The following CASK variants were observed in gnomAD, a reference collection of about 807,000 sequenced individuals.
CASK encodes peripheral plasma membrane protein CASK.
A neutral mutation model predicts 82.9 loss-of-function variants in CASK; 4 were observed. The observed-to-expected ratio is 0.05, with a 90% CI of 0.02 to 0.11. The LOEUF is 0.11. CASK is among the 10% of genes least tolerant of loss of function. CASK has a pLI of 1.00. For missense variants in CASK, 358 were observed against 720.9 expected (o/e 0.50, Z 5.76); for synonymous variants, 259 against 253.5 (o/e 1.02, Z -0.20).
At chrX:41,821,107 T>TA in intron 2 of CASK, among the ~76,000 whole-genome samples, 1 of 111,775 alleles carries the variant, frequency 8.9e-6, no homozygotes. Flanking sequence ...GAAAAACTTC[T>TA]ACTCTTTTAA....
At chrX:41,589,703 G>T in intron 12 of CASK, 111 bp from the exon 13 acceptor site, 1 of 547,383 alleles carries the variant, frequency 1.8e-6, no homozygotes, top group Non-Finnish European at 3.1e-6. Flanking sequence ...AAGGCAGGCT[G>T]ATGATTTCAG....
intron 22 of CASK, among the ~76,000 whole-genome samples, chrX:41,539,778 T>G (rs1397449101): frequency 8.9e-6 from 1 of 112,351 alleles, no homozygotes. Flanking sequence ...TCTTCTGGAC[T>G]TTCTAATGAA....
intron 5 of CASK, chrX:41,726,819 A>T (rs1420093163): frequency 7.0e-6 from 2 of 287,062 alleles, no homozygotes; most frequent in African/African-American, 5.5e-5. Flanking sequence ...TCTTTATTTC[A>T]ACCGGACAAT....
intron 21 of CASK, among the ~76,000 whole-genome samples, chrX:41,549,966 C>T (rs1209941816): frequency 9.1e-6 from 1 of 109,663 alleles, no homozygotes; most frequent in Non-Finnish European, 1.9e-5. Flanking sequence ...TTGAGACCAG[C>T]CTGGCCAACC....
intron 5 of CASK, among the ~76,000 whole-genome samples, chrX:41,736,331 C>T (rs1437196677): frequency 9.0e-6 from 1 of 110,823 alleles, no homozygotes; most frequent in Non-Finnish European, 1.9e-5. Flanking sequence ...CTCGTCTCTA[C>T]AAAAAACTAC....
chrX:41,753,380 TTTAATTAGAAA>T (rs2068830399), intron 3 of CASK, among the ~76,000 whole-genome samples: 1 of 111,827 alleles, frequency 8.9e-6, no homozygotes, highest in African/African-American at 3.2e-5. Flanking sequence ...GTTTTAAAAC[TTTAATTAGAAA>T]TTTAATAGAA....
chrX:41,895,009 G>A (rs1047174939), intron 1 of CASK, among the ~76,000 whole-genome samples: 1 of 111,343 alleles, frequency 9.0e-6, no homozygotes, highest in Non-Finnish European at 1.9e-5. Context: ...CTATCCTATT[G>A]CTCCTAGTTA....
intron 3 of CASK, among the ~76,000 whole-genome samples, chrX:41,763,490 T>C (rs190559948): frequency 0.011 from 1,227 of 110,733 alleles, 23 homozygotes; most frequent in African/African-American, 0.038. Context: ...GGTGAAACCC[T>C]GTCTCTACAA....
intron 1 of CASK, among the ~76,000 whole-genome samples, chrX:41,864,986 T>G (rs745698543): frequency 8.9e-6 from 1 of 112,131 alleles, no homozygotes; most frequent in South Asian, 3.7e-4. Flanking sequence ...ATCTGGAAAA[T>G]AATTGCTTTA....
chrX:41,766,998 C>T (rs947560268), intron 3 of CASK, among the ~76,000 whole-genome samples: 19 of 112,035 alleles, frequency 1.7e-4, no homozygotes, highest in African/African-American at 5.2e-4. Context: ...ATAATAATTC[C>T]TTATAATTTA....
intron 4 of CASK, among the ~76,000 whole-genome samples, chrX:41,741,015 T>G (rs770187236): frequency 2.7e-5 from 3 of 111,646 alleles, no homozygotes; most frequent in Admixed American, 9.6e-5. Context: ...CCCAAGTAGC[T>G]GGGATTACAG....
At chrX:41,537,860 G>A (rs201504433) in intron 22 of CASK, among the ~76,000 whole-genome samples, 2 of 76,926 alleles carry the variant, frequency 2.6e-5, no homozygotes, top group Non-Finnish European at 5.8e-5. Flanking sequence ...TATTATTATT[G>A]AGACAGGGTC....
intron 8 of CASK, among the ~76,000 whole-genome samples, chrX:41,645,514 CCA>C (rs2066742612): frequency 9.0e-6 from 1 of 111,011 alleles, no homozygotes; most frequent in Admixed American, 9.6e-5. Context: ...ACAATCAAAA[CCA>C]CAGAGAAAAG....
chrX:41,554,564 C>T (rs2065138212), intron 20 of CASK, among the ~76,000 whole-genome samples: 1 of 112,087 alleles, frequency 8.9e-6, no homozygotes, highest in South Asian at 3.7e-4. Context: ...ACCCTAGCTT[C>T]CCCCAATGTA....
intron 2 of CASK, among the ~76,000 whole-genome samples, chrX:41,814,647 G>A (rs977348097): frequency 9.3e-6 from 1 of 107,599 alleles, no homozygotes; most frequent in Non-Finnish European, 1.9e-5. Context: ...TGTAAATGAC[G>A]AGTTAATGGG....
intron 5 of CASK, among the ~76,000 whole-genome samples, chrX:41,684,855 G>A (rs1224036403): frequency 2.7e-5 from 3 of 111,693 alleles, no homozygotes; most frequent in Non-Finnish European, 3.8e-5. Context: ...ATTTTAACAA[G>A]GTCTGTAGAA....
chrX:41,608,940 T>C (rs1236584804), intron 12 of CASK, among the ~76,000 whole-genome samples: 2 of 112,336 alleles, frequency 1.8e-5, no homozygotes, highest in African/African-American at 6.5e-5. Context: ...TGGATTCTTT[T>C]AACAGAAATA....
intron 5 of CASK, among the ~76,000 whole-genome samples, chrX:41,688,048 C>T: frequency 9.5e-6 from 1 of 105,334 alleles, no homozygotes; most frequent in East Asian, 3.0e-4. Context: ...CCTGCCAATA[C>T]AACAATATTG....
chrX:41,613,360 G>C (rs1189851918), intron 11 of CASK, among the ~76,000 whole-genome samples: 1 of 100,603 alleles, frequency 9.9e-6, no homozygotes, highest in Non-Finnish European at 2.0e-5. Context: ...TGAAACATGT[G>C]CTGTGTCCAC....
Sources: gnomAD v4.1 joint callset for allele counts (sites outside exome capture counted in the v4.1 genomes callset) on GRCh38, gnomAD v4.1.1 for gene constraint, MANE v1.5 for transcripts, NCBI Gene and HGNC (gene_info 2026-07-23, HGNC 2026-07-21) for gene names.